KCNQ1OT1: variants seen among roughly 807,000 people sequenced by gnomAD.
KCNQ1OT1 encodes the protein KCNQ1 opposite strand/antisense transcript 1, also known as KCNQ1 antisense RNA 2 (non-protein coding).
At position 2,648,881 on chromosome 11, in the gene KCNQ1OT1, A is replaced by G. The variant is rs137966006; in HGVS notation, n.51114T>C. ...TAATATTTGTTTAATATACCTGGGTACTCCAGTGTTGTTGGTTGCATATAT... is the reference window on the plus strand; with the variant it reads ...TAATATTTGTTTAATATACCTGGGTGCTCCAGTGTTGTTGGTTGCATATAT... On this transcript the variant is annotated non_coding_transcript_exon_variant, in exon 1 of 1. Transcript: ENST00000597346. 1,195 of 397,304 alleles carry G rather than the reference A, an allele frequency of 3.0e-3. 11 individuals are homozygous for G. Among genetic ancestry groups the G allele is most frequent in the African/African-American group, 0.021 (1,024 of 48,306 alleles). The allele number at this position is 397,304 out of a possible 1,614,324, so 24.6% of individuals were successfully genotyped here.
exon 1 of KCNQ1OT1, chr11:2,643,895 T>G (rs1849620420): frequency 2.5e-6 from 1 of 398,436 alleles, no homozygotes; most frequent in Admixed American, 4.4e-5. Context: ...GTTTTTGGTT[T>G]TGTTTTTTCT....
Position 2,682,266 on chromosome 11 carries a change from G to T in KCNQ1OT1, n.17729C>A, listed in dbSNP as rs1359861267. On this transcript the variant is annotated non_coding_transcript_exon_variant, in exon 1 of 1. Transcript: ENST00000597346. This position sits in a 1 kb window ranked among gnomAD's most constrained non-coding sequence, Gnocchi z 5.8. ...TTCCTCAGAGGAGCCAATTTCTAAA[G>T]CTTAAGACTGGGCTGTAAAAAATCA... The T allele has an allele frequency of 2.5e-6, 1 of 398,430 alleles. No individual in the cohort carries two copies. The highest frequency in any genetic ancestry group is 4.4e-6 in the Non-Finnish European group (1 of 226,082). The allele number at this position is 398,430 out of a possible 1,614,324, so 24.7% of individuals were successfully genotyped here.
In KCNQ1OT1 at chr11:2,695,957, C is replaced by A; in HGVS notation, n.4038G>T. On this transcript the variant is annotated non_coding_transcript_exon_variant, in exon 1 of 1. Coordinates refer to ENST00000597346, the Ensembl canonical transcript of KCNQ1OT1. This position sits in a 1 kb window ranked among gnomAD's most constrained non-coding sequence, Gnocchi z 5.2. ...ATTTTAGCTGTTGTTCCCTCCTCAG[C>A]TTTAATTGTTTCAAATATCTTGTAA... 1 of 398,562 alleles carries A rather than the reference C, an allele frequency of 2.5e-6. No individual in the cohort carries two copies. The highest frequency in any genetic ancestry group is 4.4e-6 in the Non-Finnish European group (1 of 226,042). 24.7% of individuals were successfully genotyped at this position (398,562 alleles called of 1,614,324 possible).
rs1465806904 is a variant in KCNQ1OT1, at chr11:2,698,439, C to T, written n.1556G>A. Reference sequence around the variant, plus strand: ...TGGCCCTTCAAGCCTACTACCCAGACTGAGACCTGCATCTGATCAACTCTC... The same window carrying T: ...TGGCCCTTCAAGCCTACTACCCAGATTGAGACCTGCATCTGATCAACTCTC... On this transcript the variant is annotated non_coding_transcript_exon_variant, in exon 1 of 1. Coordinates refer to ENST00000597346, the Ensembl canonical transcript of KCNQ1OT1. This position sits in a 1 kb window ranked among gnomAD's most constrained non-coding sequence, Gnocchi z 5.1. The T allele has an allele frequency of 2.7e-6, 1 of 374,776 alleles. No homozygotes were observed. The highest frequency in any genetic ancestry group is 4.6e-6 in the Non-Finnish European group (1 of 219,268). The allele number at this position is 374,776 out of a possible 1,614,324, so 23.2% of individuals were successfully genotyped here.
At chr11:2,693,321 C>T in exon 1 of KCNQ1OT1, 1 of 398,766 alleles carries the variant, frequency 2.5e-6, no homozygotes, top group Non-Finnish European at 4.4e-6. Context: ...CCTGGGCCCT[C>T]TCTCCCTGCC....
At position 2,669,529 on chromosome 11, in the gene KCNQ1OT1, G is replaced by A. The variant is rs1850144264; in HGVS notation, n.30466C>T. On this transcript the variant is annotated non_coding_transcript_exon_variant, in exon 1 of 1. Coordinates refer to ENST00000597346, the Ensembl canonical transcript of KCNQ1OT1. The surrounding 1 kb of genome is among the most constrained non-coding windows in gnomAD (Gnocchi z 5.6). ...GCTAATGGTTTGATGTATGTTCGCT[G>A]AATCCAGGGACAAGGTCTGTCAGGG... 1.0e-5 allele frequency: 4 copies of A among 398,534 alleles called. No individual in the cohort carries two copies. The highest frequency in any genetic ancestry group is 1.8e-5 in the Non-Finnish European group (4 of 226,092). The allele number at this position is 398,534 out of a possible 1,614,324, so 24.7% of individuals were successfully genotyped here.
At position 2,642,384 on chromosome 11, in the gene KCNQ1OT1, T is replaced by A; in HGVS notation, n.57611A>T. 1 of 398,250 alleles carries A rather than the reference T, an allele frequency of 2.5e-6. No homozygotes were observed. The highest frequency in any genetic ancestry group is 4.4e-6 in the Non-Finnish European group (1 of 225,844). The allele number at this position is 398,250 out of a possible 1,614,324, so 24.7% of individuals were successfully genotyped here. On this transcript the variant is annotated non_coding_transcript_exon_variant, in exon 1 of 1. Transcript: ENST00000597346. The surrounding 1 kb of genome is among the most constrained non-coding windows in gnomAD (Gnocchi z 4.3). Reference sequence around the variant, plus strand: ...GTAGTGGTTGTAAAAGATAATGCCTTCTTGATTTCTTTCTCAGCTGGTTCT... The same window carrying A: ...GTAGTGGTTGTAAAAGATAATGCCTACTTGATTTCTTTCTCAGCTGGTTCT...
Position 2,626,882 on chromosome 11 carries a change from T to TC in KCNQ1OT1, n.73112dup, listed in dbSNP as rs1849270553. The TC allele has an allele frequency of 2.5e-6, 1 of 398,498 alleles. No individual in the cohort carries two copies. The allele number at this position is 398,498 out of a possible 1,614,324, so 24.7% of individuals were successfully genotyped here. A position where few individuals can be genotyped will look rare whatever the true frequency, so the allele number is the denominator to read the frequency against. On this transcript the variant is annotated non_coding_transcript_exon_variant, in exon 1 of 1. Transcript: ENST00000597346. The surrounding 1 kb of genome is among the most constrained non-coding windows in gnomAD (Gnocchi z 4.0). The stretch of plus-strand genomic sequence containing the variant: ...AGTCCTCCAATGTTGTTCATCATTT[T>TC]CAAGAATGTTTTAGCTATTCAAGGT...
exon 1 of KCNQ1OT1, chr11:2,699,990 G>A (rs371791788): frequency 5.0e-6 from 2 of 398,294 alleles, no homozygotes; most frequent in Non-Finnish European, 4.4e-6. Flanking sequence ...CGCGGCGACC[G>A]TTCTGCCTGG....
chr11:2,626,476 A>G lies in KCNQ1OT1; in HGVS notation n.73519T>C. 5.0e-6 allele frequency: 2 copies of G among 398,590 alleles called. No homozygotes were observed. Among genetic ancestry groups the G allele is most frequent in the East Asian group, 3.6e-5 (1 of 28,078 alleles). 24.7% of individuals were successfully genotyped at this position (398,590 alleles called of 1,614,324 possible). The stretch of plus-strand genomic sequence containing the variant: ...TCTCTATTCAATTCCATTGGTCTCT[A>G]CATCTTTATGTCAATACCACATAGT... On this transcript the variant is annotated non_coding_transcript_exon_variant, in exon 1 of 1. Transcript: ENST00000597346. The surrounding 1 kb of genome is among the most constrained non-coding windows in gnomAD (Gnocchi z 4.0).
chr11:2,681,828 C>G, exon 1 of KCNQ1OT1: 1 of 398,534 alleles, frequency 2.5e-6, no homozygotes, highest in Non-Finnish European at 4.4e-6. Context: ...TCATATCATC[C>G]ATGCTCCCCA....
rs545051790 is a variant in KCNQ1OT1 at position 2,691,533 on chromosome 11, G to C, written n.8462C>G. The C allele has an allele frequency of 5.0e-6, 2 of 398,458 alleles. No homozygotes were observed. Among genetic ancestry groups the C allele is most frequent in the Non-Finnish European group, 8.8e-6 (2 of 226,082 alleles). 24.7% of individuals were successfully genotyped at this position (398,458 alleles called of 1,614,324 possible). A position where few individuals can be genotyped will look rare whatever the true frequency, so the allele number is the denominator to read the frequency against. On this transcript the variant is annotated non_coding_transcript_exon_variant, in exon 1 of 1. Coordinates refer to ENST00000597346, the Ensembl canonical transcript of KCNQ1OT1. This position sits in a 1 kb window ranked among gnomAD's most constrained non-coding sequence, Gnocchi z 6.4. ...CTTGCTTGGCTTTGCATTAAAGTTG[G>C]GGGGATTTCTCTATCCTGAGGTTAT...
rs567697922 is a variant in KCNQ1OT1 at position 2,678,505 on chromosome 11, G to C, written n.21490C>G. The C allele has an allele frequency of 1.6e-4, 62 of 398,362 alleles. No homozygotes were observed. The highest frequency in any genetic ancestry group is 2.2e-4 in the Non-Finnish European group (49 of 226,060). 24.7% of individuals were successfully genotyped at this position (398,362 alleles called of 1,614,324 possible). On this transcript the variant is annotated non_coding_transcript_exon_variant, in exon 1 of 1. Transcript: ENST00000597346. This position sits in a 1 kb window ranked among gnomAD's most constrained non-coding sequence, Gnocchi z 4.9. ...CTCATTTAATTTGTGTCCATTTCTA[G>C]ACTCTATTCTGGACTGCTGATGGGC...
exon 1 of KCNQ1OT1, chr11:2,616,762 T>C (rs1849071872): frequency 2.5e-6 from 1 of 397,956 alleles, no homozygotes; most frequent in African/African-American, 2.1e-5. Context: ...TTTTGTATGA[T>C]TTCTATATTT....
chr11:2,622,046 G>A, exon 1 of KCNQ1OT1: 1 of 394,914 alleles, frequency 2.5e-6, no homozygotes, highest in Admixed American at 4.5e-5. Flanking sequence ...TTTGCTGCAT[G>A]TTTTGCTTTT....
Position 2,617,456 on chromosome 11 carries a change from T to C in KCNQ1OT1, n.82539A>G, listed in dbSNP as rs561193603. The C allele has an allele frequency of 2.8e-4, 113 of 398,468 alleles. No individual in the cohort carries two copies. The highest frequency in any genetic ancestry group is 4.3e-4 in the Non-Finnish European group (98 of 225,954). 24.7% of individuals were successfully genotyped at this position (398,468 alleles called of 1,614,324 possible). On this transcript the variant is annotated non_coding_transcript_exon_variant, in exon 1 of 1. Transcript: ENST00000597346. The surrounding 1 kb of genome is among the most constrained non-coding windows in gnomAD (Gnocchi z 4.6). ...CATTGTAGACATACACACCACAGTT[T>C]AGTCATCCATCAATGGACACGTAAG...
chr11:2,631,528 C>A (rs1382893484), exon 1 of KCNQ1OT1: 3 of 398,316 alleles, frequency 7.5e-6, no homozygotes, highest in South Asian at 1.3e-4. Context: ...ACTGAACTTC[C>A]TTAAATCAGT....
rs926770840 is a variant in KCNQ1OT1 at position 2,682,041 on chromosome 11, T to C, written n.17954A>G. The C allele has an allele frequency of 7.5e-6, 3 of 398,498 alleles. No homozygotes were observed. Among genetic ancestry groups the C allele is most frequent in the Non-Finnish European group, 1.3e-5 (3 of 226,058 alleles). The allele number at this position is 398,498 out of a possible 1,614,324, so 24.7% of individuals were successfully genotyped here. ...AACACAAGAATATTATCACTCCTGT[T>C]TTATAGATAATCTCCTAAGGGTTGA... On this transcript the variant is annotated non_coding_transcript_exon_variant, in exon 1 of 1. Transcript: ENST00000597346. This position sits in a 1 kb window ranked among gnomAD's most constrained non-coding sequence, Gnocchi z 5.8.
At position 2,623,129 on chromosome 11, in the gene KCNQ1OT1, C is replaced by T; in HGVS notation, n.76866G>A. 2.5e-6 allele frequency: 1 copy of T among 398,654 alleles called. No individual in the cohort carries two copies. The highest frequency in any genetic ancestry group is 4.4e-6 in the Non-Finnish European group (1 of 226,098). The allele number at this position is 398,654 out of a possible 1,614,324, so 24.7% of individuals were successfully genotyped here. A position where few individuals can be genotyped will look rare whatever the true frequency, so the allele number is the denominator to read the frequency against. The stretch of plus-strand genomic sequence containing the variant: ...AACGTGTGTGGCACTTCCCATCTCA[C>T]TTTCTTTCCCTCTCCTGTTCTGCCA... On this transcript the variant is annotated non_coding_transcript_exon_variant, in exon 1 of 1. Coordinates refer to ENST00000597346, the Ensembl canonical transcript of KCNQ1OT1. The surrounding 1 kb of genome is among the most constrained non-coding windows in gnomAD (Gnocchi z 5.2).
Sources: gnomAD v4.1 joint callset for allele counts on GRCh38, gnomAD v4.1.1 for gene constraint, Gnocchi (gnomAD v3.1) non-coding constraint, MANE v1.5 for transcripts, NCBI Gene and HGNC (gene_info 2026-07-23, HGNC 2026-07-21) for gene names.